Variants in DNAJC8 observed in about 807,000 individuals in gnomAD.
DNAJC8 encodes the protein dnaJ homolog subfamily C member 8.
DNAJC8 carries 24 observed loss-of-function variants against 43.2 expected under a neutral mutation model. The observed-to-expected ratio is 0.56, with a 90% CI of 0.40 to 0.78. The LOEUF (loss-of-function observed/expected upper bound fraction) is 0.78, where lower values mean the gene tolerates loss of function less well. Among genes scored for constraint, DNAJC8 ranks in the 30% least tolerant of loss-of-function variants. The pLI, the probability that DNAJC8 is intolerant of heterozygous loss-of-function variation, is 0.00. For missense variants in DNAJC8, 207 were observed against 299.4 expected (o/e 0.69, Z 2.28); for synonymous variants, 83 against 98.0 (o/e 0.85, Z 0.90).
chr1:28,207,919 G>A (rs969520290), intron 6 of DNAJC8, among the ~76,000 whole-genome samples: 2 of 151,982 alleles, frequency 1.3e-5, no homozygotes, highest in Non-Finnish European at 2.9e-5. Flanking sequence ...TTAGCCAGAG[G>A]CCGGGCAGGG....
At chr1:28,225,138 G>T (rs1014231747) in intron 2 of DNAJC8, among the ~76,000 whole-genome samples, 1 of 151,144 alleles carries the variant, frequency 6.6e-6, no homozygotes, top group Non-Finnish European at 1.5e-5. Flanking sequence ...ACTTTTTTGG[G>T]ACAATTAGTA....
chr1:28,209,275 A>G (rs908842101), intron 5 of DNAJC8, among the ~76,000 whole-genome samples: 4 of 152,192 alleles, frequency 2.6e-5, no homozygotes, highest in Non-Finnish European at 5.9e-5. Flanking sequence ...ATGGTTATAA[A>G]GTTGTCTCAG....
chr1:28,201,427 A>G (rs1389153458), intron 8 of DNAJC8, 57 bp from the exon 9 acceptor site: 1 of 1,607,986 alleles, frequency 6.2e-7, no homozygotes. Context: ...AAAGGCCTAA[A>G]CCTGGTCTGC....
intron 6 of DNAJC8, among the ~76,000 whole-genome samples, chr1:28,206,998 C>T (rs939576656): frequency 2.6e-5 from 4 of 151,870 alleles, no homozygotes; most frequent in African/African-American, 7.3e-5. Flanking sequence ...ACAGACACTG[C>T]GATTTTATAT....
intron 5 of DNAJC8, 44 bp from the exon 6 acceptor site, chr1:28,208,457 T>C (rs1233784233): frequency 6.8e-6 from 10 of 1,469,646 alleles, no homozygotes; most frequent in African/African-American, 1.4e-5. Flanking sequence ...ATCTGTGCTT[T>C]GAGAATATCC....
chr1:28,230,497 C>T (rs531466461), intron 1 of DNAJC8, among the ~76,000 whole-genome samples: 2 of 152,212 alleles, frequency 1.3e-5, no homozygotes, highest in Non-Finnish European at 2.9e-5. Flanking sequence ...GCAGGAGGAT[C>T]ACTTGGGTGC....
At chr1:28,211,192 CA>C (rs1646808357) in intron 3 of DNAJC8, among the ~76,000 whole-genome samples, 1 of 137,940 alleles carries the variant, frequency 7.2e-6, no homozygotes, top group African/African-American at 2.8e-5. Flanking sequence ...AAAACAAAAA[CA>C]AATGGAAGCC....
chr1:28,221,412 TGC>T (rs1002489281), intron 2 of DNAJC8, among the ~76,000 whole-genome samples: 38 of 152,212 alleles, frequency 2.5e-4, no homozygotes, highest in African/African-American at 7.9e-4. Context: ...AACACAATCT[TGC>T]AGCTTTCAGA....
intron 2 of DNAJC8, among the ~76,000 whole-genome samples, chr1:28,223,260 G>A (rs1341573070): frequency 5.9e-5 from 9 of 152,148 alleles, no homozygotes; most frequent in Non-Finnish European, 1.3e-4. Context: ...GTGGCTTGAC[G>A]GAGGATGTCA....
chr1:28,212,210 T>TATATAC (rs1557708014), intron 3 of DNAJC8, among the ~76,000 whole-genome samples: 1 of 109,498 alleles, frequency 9.1e-6, no homozygotes, highest in Non-Finnish European at 1.9e-5. Context: ...TATATATATA[T>TATATAC]ATATAAATGA....
At chr1:28,218,764 GC>G (rs1416003482) in intron 2 of DNAJC8, among the ~76,000 whole-genome samples, 1 of 151,984 alleles carries the variant, frequency 6.6e-6, no homozygotes, top group African/African-American at 2.4e-5. Context: ...TATTAGCCAG[GC>G]ATGGTGGTGC....
At chr1:28,201,488 C>A in intron 8 of DNAJC8, 118 bp from the exon 9 acceptor site, 1 of 1,480,810 alleles carries the variant, frequency 6.8e-7, no homozygotes, top group Non-Finnish European at 9.1e-7. Context: ...CTGGAATAAC[C>A]CAAGAGTAGA....
At chr1:28,230,578 C>A (rs547100) in intron 1 of DNAJC8, among the ~76,000 whole-genome samples, 2 of 151,988 alleles carry the variant, frequency 1.3e-5, no homozygotes, top group Admixed American at 6.6e-5. Flanking sequence ...GACTGAATTA[C>A]CCTTCCTTAG....
chr1:28,203,793 G>A lies in DNAJC8; in HGVS notation c.593C>T (p.Ala198Val). 1 of 1,614,138 alleles carries A rather than the reference G, an allele frequency of 6.2e-7. No homozygotes were observed. Among genetic ancestry groups the A allele is most frequent in the Non-Finnish European group, 8.5e-7 (1 of 1,180,034 alleles). The change falls in exon 8 of 9, where the codon GCT (alanine) becomes GTT (valine). Residue 198 changes from alanine (A) to valine (V), a missense_variant. Around this residue, in one of 2 missense-constraint regions of DNAJC8, gnomAD observed 159 missense variants for 267.5 expected, o/e 0.59. Transcript: ENST00000263697. Reference protein sequence around the residue: ...RKRQREEEIEAQEKAKREREW... With the variant: ...RKRQREEEIEVQEKAKREREW... The stretch of plus-strand genomic sequence containing the variant: ...TCTTTCCCGTTTGGCTTTTTCTTGA[G>A]CTTCAATCTCTTCTTCCCTTTGTCG...
chr1:28,213,397 AG>A (rs1434889750), intron 3 of DNAJC8, among the ~76,000 whole-genome samples: 1 of 152,086 alleles, frequency 6.6e-6, no homozygotes, highest in East Asian at 1.9e-4. Context: ...GAGCTTAGGA[AG>A]GAAAAAAAAA....
intron 2 of DNAJC8, among the ~76,000 whole-genome samples, chr1:28,219,467 C>A (rs1646884229): frequency 6.6e-6 from 1 of 152,140 alleles, no homozygotes; most frequent in Non-Finnish European, 1.5e-5. Flanking sequence ...CGAGATCGTG[C>A]CACTGCACTC....
intron 1 of DNAJC8, among the ~76,000 whole-genome samples, chr1:28,230,777 C>A (rs1382591086): frequency 6.6e-6 from 1 of 152,188 alleles, no homozygotes; most frequent in Non-Finnish European, 1.5e-5. Flanking sequence ...GCCTTCCGGG[C>A]AGCTGAGACT....
chr1:28,207,733 C>T (rs1646779514), intron 6 of DNAJC8, among the ~76,000 whole-genome samples: 3 of 150,644 alleles, frequency 2.0e-5, no homozygotes, highest in South Asian at 4.2e-4. Flanking sequence ...TGAGCCACTG[C>T]GCCCAGCCAA....
intron 6 of DNAJC8, among the ~76,000 whole-genome samples, 176 bp downstream of exon 6, chr1:28,208,165 CA>C (rs1291507667): frequency 6.6e-6 from 1 of 152,196 alleles, no homozygotes; most frequent in Non-Finnish European, 1.5e-5. Context: ...GAGATCGCGC[CA>C]TTGCCCTCCA....
Sources: gnomAD v4.1 joint callset for allele counts (sites outside exome capture counted in the v4.1 genomes callset) on GRCh38, gnomAD v4.1.1 for gene constraint, gnomAD v4.1.1 regional missense constraint, MANE v1.5 for transcripts, NCBI Gene and HGNC (gene_info 2026-07-23, HGNC 2026-07-21) for gene names.